Variants in DIS3L2 observed in about 807,000 individuals in gnomAD.
The protein encoded by DIS3L2 is DIS3 like 3'-5' exoribonuclease 2.
DIS3L2 carries 34 observed loss-of-function variants against 97.5 expected under a neutral mutation model. That is an observed-to-expected ratio of 0.35 (90% CI 0.27 to 0.46). The LOEUF (loss-of-function observed/expected upper bound fraction) is 0.46. DIS3L2 is among the 20% of genes least tolerant of loss of function. The pLI is 1.00. For synonymous variants in DIS3L2, 435 were observed against 445.2 expected, an observed-to-expected ratio of 0.98 and a Z score of 0.29; for missense variants, 1,038 against 1,146.0, an observed-to-expected ratio of 0.91 and a Z score of 1.36.
chr2:232,220,167 G>A (rs1692452573), intron 10 of DIS3L2, among the ~76,000 whole-genome samples: 1 of 151,180 alleles, frequency 6.6e-6, no homozygotes, highest in Non-Finnish European at 1.5e-5. Flanking sequence ...AAATAAGCTG[G>A]GCATAGTGAT....
intron 13 of DIS3L2, among the ~76,000 whole-genome samples, chr2:232,297,737 A>C (rs571777214): frequency 7.9e-6 from 1 of 127,340 alleles, no homozygotes; most frequent in African/African-American, 3.1e-5. Context: ...GACTCTCGCT[A>C]TGTCGCCCAG....
chr2:232,076,407 A>T (rs746478091), intron 5 of DIS3L2, among the ~76,000 whole-genome samples: 1 of 151,984 alleles, frequency 6.6e-6, no homozygotes, highest in Non-Finnish European at 1.5e-5. Flanking sequence ...TTCACACTAG[A>T]TATGTACTGC....
chr2:232,294,310 C>G (rs1176215292), intron 13 of DIS3L2, among the ~76,000 whole-genome samples: 1 of 152,194 alleles, frequency 6.6e-6, no homozygotes, highest in Non-Finnish European at 1.5e-5. Context: ...GGGAGCAGGA[C>G]AGGGGAATGA....
chr2:232,183,084 A>G (rs1210559343), intron 9 of DIS3L2, among the ~76,000 whole-genome samples: 2 of 152,240 alleles, frequency 1.3e-5, no homozygotes, highest in African/African-American at 4.8e-5. Context: ...AAAAAGAAGC[A>G]TGAGAAAGAA....
chr2:232,330,918 G>A, intron 16 of DIS3L2, 142 bp downstream of exon 16: 1 of 870,930 alleles, frequency 1.1e-6, no homozygotes, highest in South Asian at 1.5e-5. Context: ...CTCCTCCTCT[G>A]CCAGAGGGTG....
At chr2:232,343,670 A>C in exon 14 of DIS3L2, 1 of 1,338,862 alleles carries the variant, frequency 7.5e-7, no homozygotes, top group East Asian at 2.5e-5. Flanking sequence ...TAAAAGGTCC[A>C]GTAGAAAAGG....
intron 6 of DIS3L2, among the ~76,000 whole-genome samples, chr2:232,123,298 A>G (rs1697962799): frequency 6.6e-6 from 1 of 152,018 alleles, no homozygotes; most frequent in African/African-American, 2.4e-5. Context: ...TTAACAAGCA[A>G]TGGGTTTCTG....
At chr2:232,207,543 G>A (rs1228240318) in intron 9 of DIS3L2, among the ~76,000 whole-genome samples, 1 of 152,164 alleles carries the variant, frequency 6.6e-6, no homozygotes. Flanking sequence ...AATTACTTCT[G>A]TATATCTTGA....
chr2:232,306,777 C>G (rs16828779), intron 14 of DIS3L2, among the ~76,000 whole-genome samples: 25,112 of 152,224 alleles, frequency 0.16, 3,469 homozygotes, highest in African/African-American at 0.38. Flanking sequence ...CTGGGCACTC[C>G]TCAGCAGCAA....
intron 6 of DIS3L2, chr2:232,111,316 A>T: frequency 2.1e-6 from 1 of 466,710 alleles, no homozygotes; most frequent in East Asian, 7.0e-5. Flanking sequence ...TCTAGAATAG[A>T]TCATATTTTT....
chr2:232,278,842 C>T (rs1694212331), intron 13 of DIS3L2, among the ~76,000 whole-genome samples: 1 of 152,170 alleles, frequency 6.6e-6, no homozygotes, highest in South Asian at 2.1e-4. Flanking sequence ...ATTGCTCGGT[C>T]ATATGGTTAA....
At chr2:231,987,019 T>C (rs1364211381) in intron 1 of DIS3L2, among the ~76,000 whole-genome samples, 2 of 152,236 alleles carry the variant, frequency 1.3e-5, no homozygotes, top group Non-Finnish European at 2.9e-5. Flanking sequence ...TTTATGGAAG[T>C]ATTAAATAGT....
intron 6 of DIS3L2, among the ~76,000 whole-genome samples, chr2:232,119,931 T>A (rs1228337972): frequency 1.3e-5 from 2 of 152,194 alleles, no homozygotes; most frequent in East Asian, 3.8e-4. Context: ...TGAAAGGATG[T>A]TTTTCCTCTC....
chr2:232,292,578 C>T lies in DIS3L2; in HGVS notation c.1660-7462C>T, dbSNP rs1173701448. On this transcript the variant is annotated intron_variant, in intron 13 of 20. Coordinates refer to ENST00000325385, the MANE Select transcript of DIS3L2 (RefSeq NM_152383.5). The surrounding 1 kb of genome is among the most constrained non-coding windows in gnomAD (Gnocchi z 4.4). ...GCTCCTAGAGCTCACCCACGCGATT[C>T]TCTTAAGGCCAGTTTCCTGGGGGCC... Among the ~76,000 whole-genome samples, 2 of 152,204 alleles carry T rather than the reference C, an allele frequency of 1.3e-5. No homozygotes were observed. Among genetic ancestry groups the T allele is most frequent in the African/African-American group, 4.8e-5 (2 of 41,446 alleles).
intron 11 of DIS3L2, 29 bp from the exon 12 acceptor site, chr2:232,249,210 G>T (rs2106264707): frequency 1.2e-6 from 2 of 1,610,220 alleles, no homozygotes; most frequent in Non-Finnish European, 1.7e-6. Context: ...TTGGAGAAAG[G>T]TGCTCATGGG....
chr2:232,269,899 T>G lies in DIS3L2; in HGVS notation c.1659+6459T>G, dbSNP rs1693939129. ...AAGAGCCTCCCAAAAGTGAATAGAA[T>G]AGAGGAAGTTTATAATCCAAGAGAG... On this transcript the variant is annotated intron_variant, in intron 13 of 20. Coordinates refer to ENST00000325385, the MANE Select transcript of DIS3L2 (RefSeq NM_152383.5). This position sits in a 1 kb window ranked among gnomAD's most constrained non-coding sequence, Gnocchi z 4.5. Among the ~76,000 whole-genome samples, 1 of 151,982 alleles carries G rather than the reference T, an allele frequency of 6.6e-6. No individual in the cohort carries two copies. The highest frequency in any genetic ancestry group is 2.4e-5 in the African/African-American group (1 of 41,356).
At chr2:232,240,826 A>T (rs922032266) in intron 11 of DIS3L2, among the ~76,000 whole-genome samples, 12 of 152,350 alleles carry the variant, frequency 7.9e-5, no homozygotes, top group Admixed American at 2.6e-4. Context: ...ACGGCCATGC[A>T]CTAGCTGCTG....
At chr2:232,004,175 C>G (rs2106207605) in intron 1 of DIS3L2, among the ~76,000 whole-genome samples, 1 of 152,094 alleles carries the variant, frequency 6.6e-6, no homozygotes, top group South Asian at 2.1e-4. Context: ...CAGGTTCAAG[C>G]AATTCTCATG....
At chr2:232,077,955 C>CTCTTTCTTTCTTTCTTTCTT (rs538146324) in intron 5 of DIS3L2, among the ~76,000 whole-genome samples, 6 of 108,772 alleles carry the variant, frequency 5.5e-5, no homozygotes, top group Non-Finnish European at 1.1e-4. Flanking sequence ...TTCTTTCTTT[C>CTCTTTCTTTCTTTCTTTCTT]TCTTTCTTTC....
Sources: gnomAD v4.1 joint callset for allele counts (sites outside exome capture counted in the v4.1 genomes callset) on GRCh38, gnomAD v4.1.1 for gene constraint, Gnocchi (gnomAD v3.1) non-coding constraint, MANE v1.5 for transcripts, NCBI Gene and HGNC (gene_info 2026-07-23, HGNC 2026-07-21) for gene names.